LNX1: variants seen among roughly 807,000 people sequenced by gnomAD.
LNX1 encodes ligand of numb-protein X 1.
A neutral mutation model predicts 68.4 loss-of-function variants in LNX1; 54 were observed. The observed-to-expected ratio is 0.79, with a 90% confidence interval of 0.63 to 0.99. LNX1 has a LOEUF of 0.99. LNX1 is among the 50% of genes least tolerant of loss of function. The probability of loss-of-function intolerance (pLI) is 0.00; values close to 1 mark genes in which losing one functional copy is unlikely to be tolerated. For missense variants in LNX1, 906 were observed against 926.4 expected (o/e 0.98, Z 0.29); for synonymous variants, 336 against 350.0 (o/e 0.96, Z 0.45).
intron 1 of LNX1, among the ~76,000 whole-genome samples, chr4:53,634,215 C>T (rs1474474084): frequency 6.6e-6 from 1 of 150,618 alleles, no homozygotes; most frequent in Non-Finnish European, 1.5e-5. Context: ...GTGGAATGGG[C>T]TGAGATAATT....
intron 2 of LNX1, among the ~76,000 whole-genome samples, chr4:53,565,611 G>C (rs1290625841): frequency 6.6e-6 from 1 of 152,140 alleles, no homozygotes; most frequent in Non-Finnish European, 1.5e-5. Flanking sequence ...CCAAAGGAAC[G>C]CAGCTCCTCA....
At chr4:53,605,289 A>T (rs1216057543) in intron 2 of LNX1, among the ~76,000 whole-genome samples, 2 of 152,240 alleles carry the variant, frequency 1.3e-5, no homozygotes, top group African/African-American at 4.8e-5. Context: ...AAGAAATTTT[A>T]GTGTGTTATC....
chr4:53,595,229 G>A (rs1470632451), upstream of LNX1, among the ~76,000 whole-genome samples: 3 of 152,148 alleles, frequency 2.0e-5, no homozygotes, highest in Non-Finnish European at 4.4e-5. Context: ...ATCTGTTGGG[G>A]AGGAACATGT....
chr4:53,598,803 C>G (rs1732869648), intron 2 of LNX1, among the ~76,000 whole-genome samples: 1 of 152,192 alleles, frequency 6.6e-6, no homozygotes, highest in Non-Finnish European at 1.5e-5. Context: ...AACTTTATCA[C>G]ATTTAATTTT....
At chr4:53,516,356 C>T (rs1726785020) in intron 2 of LNX1, among the ~76,000 whole-genome samples, 2 of 152,134 alleles carry the variant, frequency 1.3e-5, no homozygotes, top group African/African-American at 2.4e-5. Context: ...ATGTTAGACA[C>T]TGTGGATGCA....
chr4:53,559,166 G>A (rs752031289), intron 2 of LNX1, among the ~76,000 whole-genome samples: 1 of 152,184 alleles, frequency 6.6e-6, no homozygotes. Context: ...AGGATGAGAC[G>A]AGTTGCAATG....
intron 1 of LNX1, among the ~76,000 whole-genome samples, chr4:53,582,547 T>C (rs187270425): frequency 8.5e-5 from 13 of 152,324 alleles, no homozygotes. Context: ...TGTATTCATG[T>C]TTGCTTTGAA....
chr4:53,460,817 TTAAATA>T lies in LNX1; in HGVS notation c.*84_*89del, dbSNP rs539871968. On this transcript the variant is annotated 3_prime_UTR_variant, in exon 11 of 11. Transcript: ENST00000263925. Reference sequence around the variant, plus strand: ...GACATTTTTACAATGTATTCTTTCTTTAAATATAAAAACTGACAAGATAAATATAGT... The same window carrying T: ...GACATTTTTACAATGTATTCTTTCTTTAAAAACTGACAAGATAAATATAGT... 7.8e-4 allele frequency: 993 copies of T among 1,266,580 alleles called. 2 individuals carry two copies. Among genetic ancestry groups the T allele is most frequent in the Non-Finnish European group, 1.0e-3 (933 of 907,228 alleles). The allele number at this position is 1,266,580 out of a possible 1,614,324, so 78.5% of individuals were successfully genotyped here. A position where few individuals can be genotyped will look rare whatever the true frequency, so the allele number is the denominator to read the frequency against.
chr4:53,639,162 C>T (rs1734585372), intron 1 of LNX1, among the ~76,000 whole-genome samples: 1 of 152,110 alleles, frequency 6.6e-6, no homozygotes, highest in Non-Finnish European at 1.5e-5. Context: ...TGAAAAAGAA[C>T]AAAATCATGT....
At chr4:53,482,681 A>G (rs1301308231) in intron 6 of LNX1, among the ~76,000 whole-genome samples, 2 of 152,148 alleles carry the variant, frequency 1.3e-5, no homozygotes, top group African/African-American at 4.8e-5. Context: ...GAGTAATATA[A>G]TGGACTTTGG....
intron 2 of LNX1, chr4:53,523,322 G>C (rs913212106): frequency 2.6e-5 from 4 of 152,122 alleles, no homozygotes; most frequent in East Asian, 1.9e-4. Flanking sequence ...CTGAAGACAA[G>C]GTCACCCAGG....
At chr4:53,592,661 C>G (rs1732562551), upstream of LNX1, among the ~76,000 whole-genome samples, 2 of 152,152 alleles carry the variant, frequency 1.3e-5, no homozygotes, top group South Asian at 4.2e-4. Flanking sequence ...TCGTCTTCTT[C>G]TTTCCCTCCT....
intron 2 of LNX1, among the ~76,000 whole-genome samples, chr4:53,571,668 T>A (rs1731181120): frequency 1.3e-5 from 2 of 151,818 alleles, no homozygotes; most frequent in East Asian, 3.9e-4. Context: ...AACAAATTTG[T>A]TTTTTTCTTT....
intron 2 of LNX1, among the ~76,000 whole-genome samples, chr4:53,604,296 G>A (rs1733141873): frequency 6.6e-6 from 1 of 152,178 alleles, no homozygotes; most frequent in South Asian, 2.1e-4. Flanking sequence ...CCTTAAGCTG[G>A]ATAGAGAATG....
chr4:53,464,200 T>C (rs576158104), intron 9 of LNX1, among the ~76,000 whole-genome samples: 1 of 152,192 alleles, frequency 6.6e-6, no homozygotes, highest in Admixed American at 6.5e-5. Context: ...TTCAGAAAAG[T>C]TTAACTTCCT....
intron 2 of LNX1, among the ~76,000 whole-genome samples, chr4:53,541,148 A>AAAAAAAAAAAAG (rs1728737660): frequency 7.1e-6 from 1 of 140,838 alleles, no homozygotes; most frequent in Non-Finnish European, 1.5e-5. Flanking sequence ...AAAAAAAAAG[A>AAAAAAAAAAAAG]AAAAAAAAAA....
intron 2 of LNX1, among the ~76,000 whole-genome samples, chr4:53,609,774 TATATA>T (rs1334593105): frequency 1.4e-5 from 2 of 143,744 alleles, no homozygotes. Context: ...TTATATATTA[TATATA>T]ATATATTATT....
At chr4:53,583,512 G>A (rs1298804227) in intron 1 of LNX1, among the ~76,000 whole-genome samples, 1 of 151,660 alleles carries the variant, frequency 6.6e-6, no homozygotes, top group Non-Finnish European at 1.5e-5. Context: ...ATCTGTGAAT[G>A]ACATTAGCCT....
chr4:53,617,605 C>T (rs1442136628), upstream of LNX1: 1 of 152,166 alleles, frequency 6.6e-6, no homozygotes. Flanking sequence ...TTTATACAAC[C>T]TTGTTGGTGA....
Sources: allele counts gnomAD v4.1 joint callset (sites outside exome capture counted in the v4.1 genomes callset), GRCh38; gene constraint gnomAD v4.1.1; transcripts MANE v1.5; gene names NCBI Gene and HGNC (gene_info 2026-07-23, HGNC 2026-07-21).